HAPLN2: variants seen among roughly 807,000 people sequenced by gnomAD.
HAPLN2 encodes the protein brain link protein-1.
In HAPLN2, 27 loss-of-function variants were observed where a neutral mutation model predicts 29.3. The ratio of observed to expected loss-of-function variants is 0.92; its 90% CI spans 0.68 to 1.27. The LOEUF is 1.27. HAPLN2 is among the 50% of genes most tolerant of loss of function. The probability of loss-of-function intolerance (pLI) is 0.00; values close to 1 mark genes in which losing one functional copy is unlikely to be tolerated. For synonymous variants in HAPLN2, 208 were observed against 211.7 expected, an observed-to-expected ratio of 0.98 and a Z score of 0.15; for missense variants, 454 against 484.3, an observed-to-expected ratio of 0.94 and a Z score of 0.59.
chr1:156,616,937 A>C (rs1678071309), upstream of HAPLN2, among the ~76,000 whole-genome samples: 1 of 151,838 alleles, frequency 6.6e-6, no homozygotes. Context: ...TAATTTTTAA[A>C]AGTTAGCTGG....
intron 6 of HAPLN2, 110 bp downstream of exon 6, chr1:156,624,893 C>A (rs576812262): frequency 3.8e-6 from 5 of 1,315,222 alleles, no homozygotes; most frequent in African/African-American, 3.0e-5. Flanking sequence ...CCCTCCAAGG[C>A]ACCGCCCCCC....
rs1678336686 is a variant in HAPLN2 at position 156,623,792 on chromosome 1, GC to G, written c.86-10del. On this transcript the variant is annotated splice_polypyrimidine_tract_variant and intron_variant, in intron 3 of 6. Coordinates refer to ENST00000255039, the MANE Select transcript of HAPLN2 (RefSeq NM_021817.3). The stretch of plus-strand genomic sequence containing the variant: ...AGGATTGGGGGTTCCTGCCACTGTG[GC>G]CCCCTCTGCCCAGCATCCCACCCGG... 6.1e-6 allele frequency: 9 copies of G among 1,484,652 alleles called. No homozygotes were observed. Among genetic ancestry groups the G allele is most frequent in the Non-Finnish European group, 8.0e-6 (9 of 1,118,762 alleles). The allele number at this position is 1,484,652 out of a possible 1,614,324, so 92.0% of individuals were successfully genotyped here. A position where few individuals can be genotyped will look rare whatever the true frequency, so the allele number is the denominator to read the frequency against.
Position 156,623,919 on chromosome 1 carries a change from C to CA in HAPLN2, c.200dup (p.Val68GlyfsTer128). 6.2e-7 allele frequency: 1 copy of CA among 1,605,532 alleles called. No individual in the cohort carries two copies. Among genetic ancestry groups the CA allele is most frequent in the South Asian group, 1.1e-5 (1 of 89,548 alleles). Reference sequence around the variant, plus strand: ...TCCTGGGCACCACGCCTCCCAGCTACAAGGTGCGCTGGAGCAAGGTGGAGC... The same window carrying CA: ...TCCTGGGCACCACGCCTCCCAGCTACAAAGGTGCGCTGGAGCAAGGTGGAGC... On this transcript the variant is annotated frameshift_variant, in exon 4 of 7. Transcript: ENST00000255039. LOFTEE classifies it high-confidence loss of function.
the HAPLN2 span, among the ~76,000 whole-genome samples, chr1:156,610,042 C>T: frequency 2.6e-5 from 4 of 151,792 alleles, no homozygotes; most frequent in African/African-American, 9.7e-5. Flanking sequence ...GGTGAAACCC[C>T]GTCTCTACTA....
At position 156,624,336 on chromosome 1, in the gene HAPLN2, C is replaced by A; in HGVS notation, c.440-15C>A. 2 of 1,589,144 alleles carry A rather than the reference C, an allele frequency of 1.3e-6. No homozygotes were observed. Among genetic ancestry groups the A allele is most frequent in the Non-Finnish European group, 1.7e-6 (2 of 1,166,940 alleles). The stretch of plus-strand genomic sequence containing the variant: ...CCATCCGCTGGCCCTCCCCAGGATC[C>A]CCGCCACCCCCTAGGTGTGGTGTTT... On this transcript the variant is annotated splice_polypyrimidine_tract_variant and intron_variant, in intron 4 of 6. Transcript: ENST00000255039.
the HAPLN2 span, among the ~76,000 whole-genome samples, chr1:156,601,826 T>TA: frequency 0.26 from 38,815 of 152,136 alleles, 5,225 homozygotes; most frequent in South Asian, 0.5. Context: ...GAGTAGGTGA[T>TA]AGCTGTGTCC....
chr1:156,616,254 G>A (rs1277112528), upstream of HAPLN2, among the ~76,000 whole-genome samples: 1 of 152,206 alleles, frequency 6.6e-6, no homozygotes, highest in Non-Finnish European at 1.5e-5. Flanking sequence ...CTGGGTCAGT[G>A]AGGAGACCCC....
chr1:156,621,041 G>A (rs1678202461), intron 2 of HAPLN2, among the ~76,000 whole-genome samples: 1 of 151,596 alleles, frequency 6.6e-6, no homozygotes, highest in African/African-American at 2.4e-5. Context: ...GCATAGTCAT[G>A]CAATTAGGAA....
At chr1:156,604,319 A>G in the HAPLN2 span, among the ~76,000 whole-genome samples, 1 of 146,196 alleles carries the variant, frequency 6.8e-6, no homozygotes, top group African/African-American at 2.5e-5. Context: ...TTTTTTTGAG[A>G]CAGAGTCTCT....
chr1:156,601,620 T>A, the HAPLN2 span: 1 of 662,208 alleles, frequency 1.5e-6, no homozygotes, highest in Non-Finnish European at 2.6e-6. Flanking sequence ...GCGTGCCCAT[T>A]TTCGGAGGTT....
In HAPLN2 at chr1:156,625,095, C is replaced by T. The variant is rs1380541196; in HGVS notation, c.740-6C>T. 3.3e-6 allele frequency: 5 copies of T among 1,536,586 alleles called. No individual in the cohort carries two copies. The highest frequency in any genetic ancestry group is 1.2e-5 in the South Asian group (1 of 83,908). On this transcript the variant is annotated splice_polypyrimidine_tract_variant and splice_region_variant and intron_variant, in intron 6 of 6. Coordinates refer to ENST00000255039, the MANE Select transcript of HAPLN2 (RefSeq NM_021817.3). This position sits in a 1 kb window ranked among gnomAD's most constrained non-coding sequence, Gnocchi z 5.7. ...CCCTCGGTCGGTGACCCGCTGTGGT[C>T]CCCAGGCCAAGTGTTCTTCGTGCCC...
chr1:156,612,490 G>A, the HAPLN2 span, among the ~76,000 whole-genome samples: 3 of 152,272 alleles, frequency 2.0e-5, no homozygotes, highest in South Asian at 4.1e-4. Context: ...CTGGGTTCAA[G>A]CAATTCTCCT....
Position 156,625,529 on chromosome 1 carries a change from G to A in HAPLN2, c.*145G>A. ...CTGCCTTCCCAGCCGGGGGCTGCGG[G>A]CCTCGGACCCCGGCTGGCCCGGCGG... On this transcript the variant is annotated 3_prime_UTR_variant, in exon 7 of 7. Coordinates refer to ENST00000255039, the MANE Select transcript of HAPLN2 (RefSeq NM_021817.3). The surrounding 1 kb of genome is among the most constrained non-coding windows in gnomAD (Gnocchi z 5.7). The A allele has an allele frequency of 1.2e-6, 1 of 829,570 alleles. No homozygotes were observed. 51.4% of individuals were successfully genotyped at this position (829,570 alleles called of 1,614,324 possible).
At position 156,624,342 on chromosome 1, in the gene HAPLN2, AC is replaced by A; in HGVS notation, c.440-4del. The A allele has an allele frequency of 4.4e-6, 7 of 1,585,530 alleles. No individual in the cohort carries two copies. The highest frequency in any genetic ancestry group is 1.7e-4 in the Middle Eastern group (1 of 5,984). Reference sequence around the variant, plus strand: ...GCTGGCCCTCCCCAGGATCCCCGCCACCCCCTAGGTGTGGTGTTTCCGTACC... The same window carrying A: ...GCTGGCCCTCCCCAGGATCCCCGCCACCCCTAGGTGTGGTGTTTCCGTACC... On this transcript the variant is annotated splice_region_variant and splice_polypyrimidine_tract_variant and intron_variant, in intron 4 of 6. Coordinates refer to ENST00000255039, the MANE Select transcript of HAPLN2 (RefSeq NM_021817.3).
the HAPLN2 span, among the ~76,000 whole-genome samples, chr1:156,608,224 C>A: frequency 1.3e-5 from 2 of 152,224 alleles, no homozygotes; most frequent in South Asian, 2.1e-4. Flanking sequence ...TGGAATGAGA[C>A]GTGCTCTCAG....
At chr1:156,617,281 C>T (rs1200645595), upstream of HAPLN2, among the ~76,000 whole-genome samples, 1 of 151,654 alleles carries the variant, frequency 6.6e-6, no homozygotes, top group Non-Finnish European at 1.5e-5. Context: ...GGCAAGCCAC[C>T]TTCCTCTCCA....
In HAPLN2 at chr1:156,625,034, C is replaced by T. The variant is rs1678401366; in HGVS notation, c.740-67C>T. ...CTGCGGTCCCGCACCCCAACTCCGCCTCCTGGGTGTCAGCCGCCCCTCTCC... is the reference window on the plus strand; with the variant it reads ...CTGCGGTCCCGCACCCCAACTCCGCTTCCTGGGTGTCAGCCGCCCCTCTCC... On this transcript the variant is annotated intron_variant, in intron 6 of 6. Coordinates refer to ENST00000255039, the MANE Select transcript of HAPLN2 (RefSeq NM_021817.3). This position sits in a 1 kb window ranked among gnomAD's most constrained non-coding sequence, Gnocchi z 5.7. 2.0e-6 allele frequency: 3 copies of T among 1,505,318 alleles called. No homozygotes were observed. The highest frequency in any genetic ancestry group is 2.8e-5 in the African/African-American group (2 of 71,782). 93.2% of individuals were successfully genotyped at this position (1,505,318 alleles called of 1,614,324 possible).
the HAPLN2 span, among the ~76,000 whole-genome samples, chr1:156,613,345 C>T: frequency 1.2e-4 from 18 of 151,712 alleles, no homozygotes; most frequent in African/African-American, 3.9e-4. Context: ...AGTGGGACTC[C>T]GTCTCAAAAA....
intron 2 of HAPLN2, 34 bp downstream of exon 2, chr1:156,620,192 T>C (rs966444225): frequency 2.6e-5 from 4 of 152,258 alleles, no homozygotes; most frequent in African/African-American, 9.6e-5. Flanking sequence ...TCTCATTTTC[T>C]GTAAGAGGTA....
Sources: allele counts gnomAD v4.1 joint callset (sites outside exome capture counted in the v4.1 genomes callset), GRCh38; gene constraint gnomAD v4.1.1; non-coding constraint Gnocchi (gnomAD v3.1); transcripts MANE v1.5; gene names NCBI Gene and HGNC (gene_info 2026-07-23, HGNC 2026-07-21).